DAB1: variants seen among roughly 807,000 people sequenced by gnomAD.
The protein encoded by DAB1 is DAB adaptor protein 1.
Under a neutral mutation model 64.6 loss-of-function variants are expected in DAB1, and 15 were observed. The ratio of observed to expected loss-of-function variants is 0.23; its 90% CI spans 0.16 to 0.36. The LOEUF (loss-of-function observed/expected upper bound fraction) is 0.36, where lower values mean the gene tolerates loss of function less well. DAB1 is among the 10% of genes least tolerant of loss of function. The probability of loss-of-function intolerance (pLI) is 1.00; values close to 1 mark genes in which losing one functional copy is unlikely to be tolerated. For synonymous variants in DAB1, 235 were observed against 251.9 expected, an observed-to-expected ratio of 0.93 and a Z score of 0.64; for missense variants, 596 against 706.7, an observed-to-expected ratio of 0.84 and a Z score of 1.78.
intron 5 of DAB1, among the ~76,000 whole-genome samples, chr1:57,994,232 T>C (rs535260904): frequency 8.5e-5 from 13 of 152,370 alleles, no homozygotes; most frequent in African/African-American, 2.6e-4. Context: ...AACTGAAGCC[T>C]GCAGAATCCT....
intron 7 of DAB1, among the ~76,000 whole-genome samples, chr1:57,567,403 C>T (rs1162891040): frequency 3.3e-5 from 5 of 152,164 alleles, no homozygotes; most frequent in Non-Finnish European, 2.9e-5. Flanking sequence ...TCCTATTCAA[C>T]ATAGTGTTGG....
intron 7 of DAB1, among the ~76,000 whole-genome samples, chr1:57,433,843 C>A (rs1685597727): frequency 7.0e-6 from 1 of 143,774 alleles, no homozygotes. Flanking sequence ...AAGACTTTGA[C>A]AGCTCACCAA....
chr1:57,436,342 A>G (rs1161238166), intron 7 of DAB1, among the ~76,000 whole-genome samples: 1 of 152,170 alleles, frequency 6.6e-6, no homozygotes. Context: ...CTCCGTTACA[A>G]TCTTATAGGA....
chr1:58,494,777 T>C (rs1293020352), intron 3 of DAB1, among the ~76,000 whole-genome samples: 1 of 152,148 alleles, frequency 6.6e-6, no homozygotes, highest in Admixed American at 6.5e-5. Flanking sequence ...CTACAGGTGC[T>C]GGAGAGGATG....
chr1:57,979,932 T>C (rs1009069270), intron 5 of DAB1, among the ~76,000 whole-genome samples: 2 of 152,198 alleles, frequency 1.3e-5, no homozygotes, highest in African/African-American at 4.8e-5. Context: ...TCCTCTATTT[T>C]ATGAACAAAA....
intron 2 of DAB1, among the ~76,000 whole-genome samples, chr1:57,283,403 T>G (rs533997513): frequency 2.0e-5 from 3 of 152,212 alleles, no homozygotes; most frequent in South Asian, 4.1e-4. Context: ...ACTAGAGATG[T>G]GCTGCCTCTC....
intron 2 of DAB1, among the ~76,000 whole-genome samples, chr1:57,151,407 A>G (rs1040626218): frequency 1.3e-5 from 2 of 152,144 alleles, no homozygotes; most frequent in Non-Finnish European, 2.9e-5. Context: ...TGGGAAGTCA[A>G]TGGAGTTTTG....
In DAB1 at chr1:57,826,892, T is replaced by A. The variant is rs529142714; in HGVS notation, n.88-437A>T. ...AAGAGACAGGGGGAAGGGAAAAAAA[T>A]TAGTAATAGTGTCACTGACCTACAA... On this transcript the variant is annotated intron_variant and non_coding_transcript_variant, in intron 1 of 1. Coordinates refer to the DAB1 transcript ENST00000477280. Among the ~76,000 whole-genome samples, 4 of 152,222 alleles carry A rather than the reference T, an allele frequency of 2.6e-5. No individual in the cohort carries two copies. In the East Asian group the frequency reaches 7.7e-4, roughly 29 times the overall value.
intron 6 of DAB1, among the ~76,000 whole-genome samples, chr1:57,736,428 T>C (rs772870252): frequency 6.6e-6 from 1 of 152,176 alleles, no homozygotes; most frequent in Non-Finnish European, 1.5e-5. Context: ...ACACCGAATG[T>C]TCATAAATCG....
chr1:58,322,890 C>T (rs1389954056), intron 4 of DAB1, among the ~76,000 whole-genome samples: 1 of 152,084 alleles, frequency 6.6e-6, no homozygotes, highest in Non-Finnish European at 1.5e-5. Context: ...CACATATGTA[C>T]CACGGAATAC....
chr1:58,307,930 T>C (rs2100469980), intron 4 of DAB1, among the ~76,000 whole-genome samples: 2 of 152,088 alleles, frequency 1.3e-5, no homozygotes. Flanking sequence ...GATAATTCTT[T>C]GGGGACACAG....
chr1:58,118,495 T>TA (rs1235587463), intron 5 of DAB1, among the ~76,000 whole-genome samples: 1 of 84,422 alleles, frequency 1.2e-5, no homozygotes, highest in Non-Finnish European at 2.1e-5. Context: ...TATATATATA[T>TA]ATATATATAC....
intron 6 of DAB1, among the ~76,000 whole-genome samples, chr1:57,689,859 C>T (rs918074960): frequency 1.3e-5 from 2 of 152,040 alleles, no homozygotes; most frequent in African/African-American, 4.8e-5. Flanking sequence ...CATATTCATT[C>T]CTTCTTCTTT....
intron 7 of DAB1, among the ~76,000 whole-genome samples, chr1:57,551,439 G>A (rs1026277720): frequency 5.3e-5 from 8 of 152,172 alleles, no homozygotes; most frequent in African/African-American, 1.4e-4. Context: ...ATGATTAAAT[G>A]TATTACAAGG....
At chr1:57,049,450 C>CAA (rs574438911) in intron 9 of DAB1, among the ~76,000 whole-genome samples, 257 of 24,554 alleles carry the variant, frequency 0.01, 22 homozygotes, top group African/African-American at 0.023. Flanking sequence ...GACTCCGTCT[C>CAA]AAAAAAAAAA....
intron 2 of DAB1, among the ~76,000 whole-genome samples, chr1:57,270,834 A>G (rs1460182870): frequency 6.6e-6 from 1 of 152,114 alleles, no homozygotes; most frequent in African/African-American, 2.4e-5. Flanking sequence ...TGGCCCTATC[A>G]CACAGCTCCT....
chr1:57,439,576 C>T (rs1685854805), intron 7 of DAB1, among the ~76,000 whole-genome samples: 1 of 148,094 alleles, frequency 6.8e-6, no homozygotes, highest in Non-Finnish European at 1.5e-5. Flanking sequence ...CTACAGGCGC[C>T]CGCCACCGCG....
At chr1:57,573,946 GA>G (rs1645220396) in intron 7 of DAB1, among the ~76,000 whole-genome samples, 1 of 152,174 alleles carries the variant, frequency 6.6e-6, no homozygotes, top group Admixed American at 6.5e-5. Flanking sequence ...TTGAGAAGGG[GA>G]AAGTGGTCTC....
At chr1:57,998,148 T>C (rs1234021498) in intron 5 of DAB1, among the ~76,000 whole-genome samples, 1 of 152,168 alleles carries the variant, frequency 6.6e-6, no homozygotes, top group Admixed American at 6.5e-5. Context: ...AGAGACAATG[T>C]AGTATAAACA....
Sources: gnomAD v4.1 joint callset for allele counts (sites outside exome capture counted in the v4.1 genomes callset) on GRCh38, gnomAD v4.1.1 for gene constraint, MANE v1.5 for transcripts, NCBI Gene and HGNC (gene_info 2026-07-23, HGNC 2026-07-21) for gene names.